The following MYO5C variants were observed in gnomAD, a reference collection of about 807,000 sequenced individuals.
MYO5C encodes myosin VC.
In MYO5C, 194 loss-of-function variants were observed where a neutral mutation model predicts 235.7. That is an observed-to-expected ratio of 0.82 (90% CI 0.73 to 0.93). The LOEUF (loss-of-function observed/expected upper bound fraction) is 0.93. MYO5C is among the 40% of genes least tolerant of loss of function. MYO5C has a pLI of 0.00. For synonymous variants in MYO5C, 707 were observed against 754.8 expected (o/e 0.94, Z 1.04); for missense variants, 2,038 against 2,127.2 (o/e 0.96, Z 0.82).
chr15:52,282,676 G>A (rs1041944329), intron 2 of MYO5C, 106 bp downstream of exon 2: 8 of 763,192 alleles, frequency 1.0e-5, no homozygotes, highest in African/African-American at 3.4e-5. Flanking sequence ...CCACTCGTGC[G>A]CCCTCCCCTG....
At chr15:52,249,715 G>A (rs146134680) in intron 13 of MYO5C, among the ~76,000 whole-genome samples, 229 of 152,282 alleles carry the variant, frequency 1.5e-3, no homozygotes, top group African/African-American at 5.3e-3. Flanking sequence ...ATAGACAAAG[G>A]TGGCAAATAC....
At chr15:52,275,152 C>T (rs1267181596) in intron 5 of MYO5C, among the ~76,000 whole-genome samples, 1 of 152,238 alleles carries the variant, frequency 6.6e-6, no homozygotes, top group Non-Finnish European at 1.5e-5. Flanking sequence ...ATAAATACTT[C>T]TCCCCTGACT....
chr15:52,201,236 C>T (rs569323168), intron 38 of MYO5C, among the ~76,000 whole-genome samples: 7 of 151,914 alleles, frequency 4.6e-5, no homozygotes, highest in Non-Finnish European at 7.4e-5. Flanking sequence ...AGACACATCA[C>T]AAACTATGGA....
Position 52,239,769 on chromosome 15 carries a change from G to C in MYO5C, c.2667C>G (p.Tyr889Ter). The change falls in exon 21 of 41, where the codon TAC (tyrosine) becomes TAG (stop). Residue 889 changes from tyrosine (Y) to a stop codon, truncating the protein, a stop_gained. Transcript: ENST00000261839. LOFTEE classifies it high-confidence loss of function. ...ACTTTTTCTGCAAACGCTGGACCCT[G>C]TAAGTAAGCTGAATATTAAGCACGA... ...RRFVLNIQLTYRVQRLQKKLE... is the reference protein window; with the variant it reads ...RRFVLNIQLT 6.2e-7 allele frequency: 1 copy of C among 1,612,830 alleles called. No individual in the cohort carries two copies. Among genetic ancestry groups the C allele is most frequent in the Non-Finnish European group, 8.5e-7 (1 of 1,179,276 alleles).
At chr15:52,256,829 C>T (rs2036595899) in intron 10 of MYO5C, 109 bp from the exon 11 acceptor site, 1 of 798,646 alleles carries the variant, frequency 1.3e-6, no homozygotes, top group African/African-American at 1.7e-5. Context: ...ATGTCTTCTA[C>T]AAGTTTTAAA....
intron 8 of MYO5C, among the ~76,000 whole-genome samples, chr15:52,268,861 A>T (rs909141198): frequency 6.6e-6 from 1 of 152,244 alleles, no homozygotes; most frequent in Non-Finnish European, 1.5e-5. Flanking sequence ...CCTGGAGTGC[A>T]AAAGCCAGTT....
At chr15:52,232,872 A>G (rs945414953) in intron 23 of MYO5C, among the ~76,000 whole-genome samples, 187 bp from the exon 24 acceptor site, 2 of 152,230 alleles carry the variant, frequency 1.3e-5, no homozygotes, top group South Asian at 2.1e-4. Flanking sequence ...CAAAATAATA[A>G]TTCTCACAAA....
intron 10 of MYO5C, among the ~76,000 whole-genome samples, chr15:52,257,702 GAGA>G (rs2036612742): frequency 6.6e-6 from 1 of 152,224 alleles, no homozygotes; most frequent in South Asian, 2.1e-4. Context: ...ACGAGGGTCA[GAGA>G]AGGAGTGACC....
At chr15:52,200,755 G>T (rs1461685394) in intron 38 of MYO5C, among the ~76,000 whole-genome samples, 1 of 151,956 alleles carries the variant, frequency 6.6e-6, no homozygotes, top group Non-Finnish European at 1.5e-5. Context: ...AGACTTTAAA[G>T]AAGTTATCAT....
At chr15:52,288,690 A>G (rs1040879781) in intron 1 of MYO5C, among the ~76,000 whole-genome samples, 2 of 152,230 alleles carry the variant, frequency 1.3e-5, no homozygotes, top group African/African-American at 4.8e-5. Flanking sequence ...GTTCATGCAA[A>G]CAATGTAACC....
chr15:52,223,508 G>T (rs768992982), intron 29 of MYO5C, 36 bp downstream of exon 29: 5 of 1,588,822 alleles, frequency 3.1e-6, no homozygotes, highest in Non-Finnish European at 3.4e-6. Flanking sequence ...ACTCTAGTAT[G>T]ATGGCCACGA....
intron 35 of MYO5C, among the ~76,000 whole-genome samples, chr15:52,210,471 G>A (rs1302338598): frequency 6.6e-6 from 1 of 152,124 alleles, no homozygotes; most frequent in South Asian, 2.1e-4. Flanking sequence ...TCAGTACATT[G>A]TAATTCCCAG....
chr15:52,196,226 A>C, intron 39 of MYO5C, 83 bp downstream of exon 39: 2 of 1,397,642 alleles, frequency 1.4e-6, no homozygotes, highest in Non-Finnish European at 1.9e-6. Context: ...GGGTGCCCAC[A>C]GCTGGCTAAA....
chr15:52,282,027 C>T (rs1292915413), intron 2 of MYO5C, among the ~76,000 whole-genome samples: 1 of 152,192 alleles, frequency 6.6e-6, no homozygotes, highest in South Asian at 2.1e-4. Context: ...GCAAGGACAA[C>T]TCATGAGGGA....
intron 10 of MYO5C, among the ~76,000 whole-genome samples, chr15:52,257,071 CA>C (rs2036599823): frequency 6.6e-6 from 1 of 152,206 alleles, no homozygotes; most frequent in African/African-American, 2.4e-5. Context: ...AGAAACTTGC[CA>C]AAGGTCACAC....
At chr15:52,212,158 A>C (rs2035456136) in intron 34 of MYO5C, among the ~76,000 whole-genome samples, 1 of 152,184 alleles carries the variant, frequency 6.6e-6, no homozygotes, top group African/African-American at 2.4e-5. Context: ...CTGGTGTGGA[A>C]ACCCTGGATT....
At chr15:52,216,650 A>G (rs1232645157) in intron 32 of MYO5C, among the ~76,000 whole-genome samples, 1 of 152,176 alleles carries the variant, frequency 6.6e-6, no homozygotes, top group African/African-American at 2.4e-5. Flanking sequence ...TCTGGAAAAA[A>G]AAAAGAAATT....
At chr15:52,205,503 C>A in intron 37 of MYO5C, 1 of 323,846 alleles carries the variant, frequency 3.1e-6, no homozygotes, top group Non-Finnish European at 5.6e-6. Context: ...TCGAATGGGG[C>A]TTTAGGATTT....
At chr15:52,198,066 C>T (rs2035094829) in intron 38 of MYO5C, among the ~76,000 whole-genome samples, 1 of 152,150 alleles carries the variant, frequency 6.6e-6, no homozygotes, top group Non-Finnish European at 1.5e-5. Context: ...GGCATGGTGG[C>T]TCACGCCTAT....
Sources: gnomAD v4.1 joint callset for allele counts (sites outside exome capture counted in the v4.1 genomes callset) on GRCh38, gnomAD v4.1.1 for gene constraint, MANE v1.5 for transcripts, NCBI Gene and HGNC (gene_info 2026-07-23, HGNC 2026-07-21) for gene names.